The following TP63 variants were observed in gnomAD, a reference collection of about 807,000 sequenced individuals.
TP63 encodes the protein tumor protein 63.
Under a neutral mutation model 82.8 loss-of-function variants are expected in TP63, and 17 were observed. The ratio of observed to expected loss-of-function variants is 0.21; its 90% CI spans 0.14 to 0.31. TP63 has a LOEUF of 0.31. Among genes scored for constraint, TP63 ranks in the 10% least tolerant of loss-of-function variants. TP63 has a pLI of 1.00. For synonymous variants in TP63, 330 were observed against 321.7 expected (o/e 1.03, Z -0.28); for missense variants, 648 against 895.3 (o/e 0.72, Z 3.52).
chr3:189,672,672 GGAAGGAAGGA>G (rs1560100063), intron 1 of TP63, among the ~76,000 whole-genome samples: 4 of 62,636 alleles, frequency 6.4e-5, no homozygotes, highest in African/African-American at 2.0e-4. Context: ...AAAGAAGGAA[GGAAGGAAGGA>G]AGGAAGGAAG....
At chr3:189,851,060 G>A (rs1715563977) in intron 4 of TP63, among the ~76,000 whole-genome samples, 1 of 152,192 alleles carries the variant, frequency 6.6e-6, no homozygotes, top group Non-Finnish European at 1.5e-5. Flanking sequence ...TGAGGCTTCA[G>A]TCATAATTGT....
chr3:189,819,695 T>C (rs914039846), intron 4 of TP63, among the ~76,000 whole-genome samples: 5 of 152,024 alleles, frequency 3.3e-5, no homozygotes, highest in African/African-American at 7.2e-5. Context: ...CTTCATTCTT[T>C]AGATTTTTAT....
chr3:189,824,878 A>G (rs1729173922), intron 4 of TP63, among the ~76,000 whole-genome samples: 1 of 152,024 alleles, frequency 6.6e-6, no homozygotes, highest in African/African-American at 2.4e-5. Flanking sequence ...CCCTAATATC[A>G]GTAGCTTGTT....
rs77642186 is a variant in TP63, at chr3:189,753,774, C to A, written c.324+15000C>A. The stretch of plus-strand genomic sequence containing the variant: ...ACTGACTTCTTTTAAAATTATTTAA[C>A]CTATTTTTAGTATTCAATTTTAATT... On this transcript the variant is annotated intron_variant, in intron 3 of 13. Transcript: ENST00000264731. 1.4e-3 allele frequency among the ~76,000 whole-genome samples: 209 copies of A among 152,112 alleles called. 1 individual carries two copies. The highest frequency in any genetic ancestry group is 4.9e-3 in the African/African-American group (203 of 41,544).
chr3:189,890,350 C>G (rs1293261114), intron 12 of TP63, among the ~76,000 whole-genome samples: 2 of 152,094 alleles, frequency 1.3e-5, no homozygotes, highest in Non-Finnish European at 2.9e-5. Flanking sequence ...GGAGTAGAGG[C>G]CTACAATTTT....
At chr3:189,800,701 C>G (rs1189573599) in intron 3 of TP63, among the ~76,000 whole-genome samples, 1 of 151,996 alleles carries the variant, frequency 6.6e-6, no homozygotes, top group African/African-American at 2.4e-5. Flanking sequence ...CTTCAGTTTC[C>G]TCATCTATAA....
Position 189,834,998 on chromosome 3 carries a change from G to A in TP63, c.579+26472G>A, listed in dbSNP as rs145028668. On this transcript the variant is annotated intron_variant, in intron 4 of 13. Transcript: ENST00000264731. ...ACATTTAAATCTTCACTGAGATAGG[G>A]AAGAGTGACCTGATCTTATGGATCG... Among the ~76,000 whole-genome samples the A allele has an allele frequency of 2.5e-4, 38 of 151,726 alleles. 1 individual carries two copies. The highest frequency in any genetic ancestry group is 8.9e-4 in the African/African-American group (37 of 41,378).
intron 3 of TP63, among the ~76,000 whole-genome samples, chr3:189,801,112 A>AGT (rs1726260513): frequency 2.0e-5 from 3 of 152,172 alleles, no homozygotes; most frequent in Non-Finnish European, 4.4e-5. Flanking sequence ...TTTTAAACTC[A>AGT]CTTTCCAAAC....
chr3:189,699,043 T>G (rs568457854), intron 1 of TP63, among the ~76,000 whole-genome samples: 34 of 152,248 alleles, frequency 2.2e-4, no homozygotes, highest in African/African-American at 7.7e-4. Context: ...AGTGATGAGA[T>G]GGCCAACATG....
At chr3:189,722,908 T>G (rs1267164084) in intron 1 of TP63, among the ~76,000 whole-genome samples, 1 of 152,244 alleles carries the variant, frequency 6.6e-6, no homozygotes, top group Non-Finnish European at 1.5e-5. Context: ...CTTATTAAAG[T>G]GCTCTGTCTT....
chr3:189,881,728 A>T (rs150782509), intron 10 of TP63, among the ~76,000 whole-genome samples: 1 of 152,272 alleles, frequency 6.6e-6, no homozygotes, highest in East Asian at 1.9e-4. Flanking sequence ...AAACTAACTT[A>T]AAAAAATACT....
chr3:189,807,662 C>G (rs1727057402), intron 3 of TP63, among the ~76,000 whole-genome samples: 1 of 152,158 alleles, frequency 6.6e-6, no homozygotes, highest in Non-Finnish European at 1.5e-5. Context: ...TTTTAAAATA[C>G]ATAGTTGGGT....
At chr3:189,862,997 A>G (rs750019803) in intron 4 of TP63, among the ~76,000 whole-genome samples, 6 of 152,234 alleles carry the variant, frequency 3.9e-5, no homozygotes, top group South Asian at 2.1e-4. Context: ...AACAAATACT[A>G]TATTTTAAAA....
Position 189,896,030 on chromosome 3 carries a change from T to A in TP63, c.*1528T>A, listed in dbSNP as rs1577216752. The A allele has an allele frequency of 4.4e-6, 1 of 228,760 alleles. No individual in the cohort carries two copies. Among genetic ancestry groups the A allele is most frequent in the Non-Finnish European group, 8.7e-6 (1 of 115,058 alleles). 14.2% of individuals were successfully genotyped at this position (228,760 alleles called of 1,614,324 possible). On this transcript the variant is annotated 3_prime_UTR_variant, in exon 14 of 14. Coordinates refer to ENST00000264731, the MANE Select transcript of TP63 (RefSeq NM_003722.5). The stretch of plus-strand genomic sequence containing the variant: ...TTGCTTAAACCACTTAAACGAAGAG[T>A]TCCCTTGAAACTTTGGGAAAACATG...
At position 189,873,083 on chromosome 3, in the gene TP63, A is replaced by G. The variant is rs1315062115; in HGVS notation, c.1349+88A>G. 5 of 1,591,654 alleles carry G rather than the reference A, an allele frequency of 3.1e-6. No individual in the cohort carries two copies. In the African/African-American group the frequency reaches 6.7e-5, roughly 21 times the overall value. ...ATAGGGTGATTGATGAGCAATGTGG[A>G]ACATAATGGGAGATAGCAGATTGTC... On this transcript the variant is annotated intron_variant, in intron 10 of 13. Transcript: ENST00000264731.
intron 4 of TP63, among the ~76,000 whole-genome samples, chr3:189,846,618 GT>G (rs1714910295): frequency 2.9e-5 from 2 of 69,298 alleles, no homozygotes; most frequent in African/African-American, 1.3e-4. Context: ...TAGGGTGTGT[GT>G]GTGTGTGTGT....
chr3:189,764,948 C>T (rs937028514), intron 3 of TP63, among the ~76,000 whole-genome samples: 2 of 152,060 alleles, frequency 1.3e-5, no homozygotes, highest in Non-Finnish European at 2.9e-5. Context: ...AACTAGATGG[C>T]TTATAAAATG....
At chr3:189,696,420 A>C (rs2108731203) in intron 1 of TP63, among the ~76,000 whole-genome samples, 1 of 152,222 alleles carries the variant, frequency 6.6e-6, no homozygotes, top group Admixed American at 6.5e-5. Flanking sequence ...CATAGTATGG[A>C]TATACCACAA....
At position 189,895,454 on chromosome 3, in the gene TP63, A is replaced by G. The variant is rs1322666620; in HGVS notation, c.*952A>G. On this transcript the variant is annotated 3_prime_UTR_variant, in exon 14 of 14. Transcript: ENST00000264731. ...AGAGGTATTAAAACTAAATTTCACTACTAGATTGACTAACTCAAATACACA... is the reference window on the plus strand; with the variant it reads ...AGAGGTATTAAAACTAAATTTCACTGCTAGATTGACTAACTCAAATACACA... 2.7e-5 allele frequency: 6 copies of G among 218,582 alleles called. No individual in the cohort carries two copies. In the East Asian group the frequency reaches 3.4e-4, roughly 12 times the overall value. The allele number at this position is 218,582 out of a possible 1,614,324, so 13.5% of individuals were successfully genotyped here.
Sources: allele counts gnomAD v4.1 joint callset (sites outside exome capture counted in the v4.1 genomes callset), GRCh38; gene constraint gnomAD v4.1.1; transcripts MANE v1.5; gene names NCBI Gene and HGNC (gene_info 2026-07-23, HGNC 2026-07-21).